The following CACNA1H variants were observed in gnomAD, a reference collection of about 807,000 sequenced individuals.
CACNA1H encodes calcium voltage-gated channel subunit alpha1 H.
A neutral mutation model predicts 192.5 loss-of-function variants in CACNA1H; 149 were observed. The ratio of observed to expected loss-of-function variants is 0.77; its 90% CI spans 0.68 to 0.89. The LOEUF is 0.89. CACNA1H is among the 40% of genes least tolerant of loss of function. The probability of loss-of-function intolerance (pLI) is 0.00; values close to 1 mark genes in which losing one functional copy is unlikely to be tolerated. For missense variants in CACNA1H, 4,257 were observed against 3,423.5 expected, an observed-to-expected ratio of 1.24 and a Z score of -6.08; for synonymous variants, 2,202 against 1,475.2, an observed-to-expected ratio of 1.49 and a Z score of -11.29.
intron 2 of CACNA1H, among the ~76,000 whole-genome samples, chr16:1,188,164 G>A (rs1356301971): frequency 6.6e-6 from 1 of 152,210 alleles, no homozygotes; most frequent in South Asian, 2.1e-4. Flanking sequence ...GATTAGTCAC[G>A]GGGCAGGGTC....
chr16:1,182,000 G>A (rs1430440270), intron 2 of CACNA1H, among the ~76,000 whole-genome samples: 1 of 152,114 alleles, frequency 6.6e-6, no homozygotes, highest in Admixed American at 6.5e-5. Flanking sequence ...TCACTCTGCT[G>A]CCTGTCCCTG....
chr16:1,196,700 T>C (rs1358321906), intron 5 of CACNA1H, among the ~76,000 whole-genome samples: 1 of 152,058 alleles, frequency 6.6e-6, no homozygotes, highest in South Asian at 2.1e-4. Flanking sequence ...GGAGCTGCTG[T>C]GTGTCTGCTG....
Position 1,195,049 on chromosome 16 carries a change from T to C in CACNA1H, c.377T>C (p.Val126Ala). ...GGCATGTTCCGGCCCTGTGAGGACG[T>C]TGAGTGCGGCTCCGAGCGCTGCAAC... is the stretch of plus-strand genomic sequence containing the variant. ...TLGMFRPCEDVECGSERCNIL... is the reference protein window; with the variant it reads ...TLGMFRPCEDAECGSERCNIL... Residue 126 changes from valine to alanine, a missense_variant, in exon 3 of 35, where the codon GTT becomes GCT. Physicochemically the swap from Val to Ala is moderately conservative, Grantham distance 64 (BLOSUM62 0). Transcript: ENST00000348261. 5.0e-6 allele frequency: 8 copies of C among 1,610,574 alleles called. No homozygotes were observed. Among genetic ancestry groups the C allele is most frequent in the African/African-American group, 1.3e-5 (1 of 74,756 alleles).
At chr16:1,173,443 C>T (rs935188084) in intron 2 of CACNA1H, among the ~76,000 whole-genome samples, 2 of 152,258 alleles carry the variant, frequency 1.3e-5, no homozygotes, top group Admixed American at 6.5e-5. Flanking sequence ...CCCAAAGCCT[C>T]TGCTCCTGGG....
Position 1,206,868 on chromosome 16 carries a change from G to A in CACNA1H, c.2790-133G>A, listed in dbSNP as rs2141302931. The A allele has an allele frequency of 6.6e-6, 4 of 603,150 alleles. No individual in the cohort carries two copies. The South Asian group carries it at 7.5e-5, about 11-fold the overall frequency. The allele number at this position is 603,150 out of a possible 1,614,324, so 37.4% of individuals were successfully genotyped here. ...GAGCTCGGGCGCCCAGGGAGGGTAG[G>A]AGGCCAGGAGAGCCAAGACGGGCAG... is the stretch of plus-strand genomic sequence containing the variant. On this transcript the variant is annotated intron_variant, in intron 12 of 34. Coordinates refer to ENST00000348261, the MANE Select transcript of CACNA1H (RefSeq NM_021098.3).
At chr16:1,165,130 C>A (rs113027677) in intron 2 of CACNA1H, among the ~76,000 whole-genome samples, 1 of 152,204 alleles carries the variant, frequency 6.6e-6, no homozygotes, top group Non-Finnish European at 1.5e-5. Context: ...CATGTCTGGG[C>A]CCGGGAGTGG....
At position 1,218,387 on chromosome 16, in the gene CACNA1H, G is replaced by A. The variant is rs1368473639; in HGVS notation, c.5623G>A (p.Glu1875Lys). Reference protein sequence around the residue: ...ESNKEAREDAELDAEIELEMA... With the variant: ...ESNKEAREDAKLDAEIELEMA... Reference sequence around the variant, plus strand: ...CAACAAGGAGGCACGGGAGGATGCGGAGCTGGACGCCGAGATCGAGCTGGA... The same window carrying A: ...CAACAAGGAGGCACGGGAGGATGCGAAGCTGGACGCCGAGATCGAGCTGGA... The change falls in exon 33 of 35, where the codon GAG (glutamate) becomes AAG (lysine). Residue 1875 changes from glutamate (E) to lysine (K), a missense_variant. By Grantham distance (56) the Glu-to-Lys change is moderately conservative. Transcript: ENST00000348261. 2 of 1,560,272 alleles carry A rather than the reference G, an allele frequency of 1.3e-6. No homozygotes were observed. The highest frequency in any genetic ancestry group is 1.7e-6 in the Non-Finnish European group (2 of 1,153,150).
At chr16:1,200,193 C>A in intron 6 of CACNA1H, 63 bp from the exon 7 acceptor site, 1 of 1,362,030 alleles carries the variant, frequency 7.3e-7, no homozygotes, top group Non-Finnish European at 1.0e-6. Context: ...ACAATCGTGC[C>A]CCCGACTCTG....
At chr16:1,171,021 C>G (rs1451985501) in intron 2 of CACNA1H, among the ~76,000 whole-genome samples, 1 of 152,034 alleles carries the variant, frequency 6.6e-6, no homozygotes, top group South Asian at 2.1e-4. Context: ...GCTCTCCCCC[C>G]AACCACTGCA....
At chr16:1,154,128 G>C in intron 2 of CACNA1H, 92 bp downstream of exon 2, 1 of 1,046,688 alleles carries the variant, frequency 9.6e-7, no homozygotes, top group Non-Finnish European at 1.2e-6. Flanking sequence ...GCGCCCCCGC[G>C]CGCCCCTGTT....
intron 30 of CACNA1H, 82 bp downstream of exon 30, chr16:1,215,675 C>T (rs1969966830): frequency 9.0e-7 from 1 of 1,113,670 alleles, no homozygotes; most frequent in Non-Finnish European, 1.3e-6. Flanking sequence ...CCCTCTCCCC[C>T]TCACTCGTTT....
intron 5 of CACNA1H, among the ~76,000 whole-genome samples, chr16:1,196,782 C>G (rs886444198): frequency 6.6e-6 from 1 of 152,132 alleles, no homozygotes; most frequent in African/African-American, 2.4e-5. Flanking sequence ...GGGAAACATC[C>G]TGTCAAATCC....
At chr16:1,165,594 C>G (rs552102001) in intron 2 of CACNA1H, among the ~76,000 whole-genome samples, 1 of 152,184 alleles carries the variant, frequency 6.6e-6, no homozygotes, top group Admixed American at 6.5e-5. Context: ...CAGCACAAGC[C>G]GGCCCGGAGC....
chr16:1,215,613 T>C lies in CACNA1H; in HGVS notation c.5244+20T>C, dbSNP rs752943255. ...CCCCAGGTAGGTGGAGCCCGCGCCA[T>C]CCTCAGCGCAGGCCCCCGGAAGACG... On this transcript the variant is annotated intron_variant, in intron 30 of 34. Transcript: ENST00000348261. The C allele has an allele frequency of 6.2e-7, 1 of 1,602,380 alleles. No homozygotes were observed. Among genetic ancestry groups the C allele is most frequent in the African/African-American group, 1.3e-5 (1 of 74,790 alleles).
At chr16:1,169,468 C>T (rs1003643376) in intron 2 of CACNA1H, among the ~76,000 whole-genome samples, 3 of 152,200 alleles carry the variant, frequency 2.0e-5, no homozygotes, top group East Asian at 1.9e-4. Context: ...GCCCCCGCGA[C>T]GTTCCCCCAA....
intron 2 of CACNA1H, among the ~76,000 whole-genome samples, chr16:1,159,318 C>T (rs918118471): frequency 3.9e-5 from 6 of 151,962 alleles, no homozygotes; most frequent in South Asian, 2.1e-4. Flanking sequence ...GGAGCCTGTG[C>T]GGGAGGAGGC....
intron 11 of CACNA1H, among the ~76,000 whole-genome samples, chr16:1,205,895 G>A (rs1412316138): frequency 6.6e-6 from 1 of 152,216 alleles, no homozygotes; most frequent in Non-Finnish European, 1.5e-5. Flanking sequence ...ACTGGGGGCC[G>A]GGTAGCCCCC....
intron 14 of CACNA1H, 97 bp downstream of exon 14, chr16:1,207,527 T>TGA (rs1371953954): frequency 1.9e-5 from 25 of 1,325,690 alleles, no homozygotes; most frequent in Non-Finnish European, 2.4e-5. Context: ...TGCCAAGAGG[T>TGA]GAGGGATAGA....
intron 2 of CACNA1H, among the ~76,000 whole-genome samples, chr16:1,162,927 C>G (rs1017481935): frequency 1.3e-5 from 2 of 152,232 alleles, no homozygotes; most frequent in African/African-American, 4.8e-5. Flanking sequence ...CCTCTTCTCA[C>G]GGCCACTCCA....
Sources: gnomAD v4.1 joint callset for allele counts (sites outside exome capture counted in the v4.1 genomes callset) on GRCh38, gnomAD v4.1.1 for gene constraint, MANE v1.5 for transcripts, NCBI Gene and HGNC (gene_info 2026-07-23, HGNC 2026-07-21) for gene names.